The following TRPV1 variants were observed in gnomAD, a reference collection of about 807,000 sequenced individuals.
TRPV1 encodes the protein transient receptor potential cation channel subfamily V member 1.
A neutral mutation model predicts 82.3 loss-of-function variants in TRPV1; 82 were observed. The ratio of observed to expected loss-of-function variants is 1.00; its 90% confidence interval spans 0.83 to 1.20. The LOEUF is 1.20. Among genes scored for constraint, TRPV1 ranks in the 50% most tolerant of loss-of-function variants. The probability of loss-of-function intolerance (pLI) is 0.00; values close to 1 mark genes in which losing one functional copy is unlikely to be tolerated. For missense variants in TRPV1, 1,067 were observed against 1,096.8 expected, an observed-to-expected ratio of 0.97 and a Z score of 0.38; for synonymous variants, 515 against 467.7, an observed-to-expected ratio of 1.10 and a Z score of -1.30.
intron 13 of TRPV1, among the ~76,000 whole-genome samples, chr17:3,576,337 G>A (rs1292327972): frequency 6.6e-6 from 1 of 151,746 alleles, no homozygotes; most frequent in African/African-American, 2.4e-5. Flanking sequence ...GGCCAATATG[G>A]TAAAACCCCA....
chr17:3,566,548 C>T lies in TRPV1; in HGVS notation c.*267G>A. On this transcript the variant is annotated 3_prime_UTR_variant, in exon 17 of 17. Coordinates refer to ENST00000572705, the MANE Select transcript of TRPV1 (RefSeq NM_080704.4). ...AGGGCCTAACATGTCCCAGTAGAGA[C>T]TGACCATCCAAACTGTTTAGTAAAG... 1 of 359,550 alleles carries T rather than the reference C, an allele frequency of 2.8e-6. No individual in the cohort carries two copies. The highest frequency in any genetic ancestry group is 4.6e-5 in the East Asian group (1 of 21,688). The allele number at this position is 359,550 out of a possible 1,614,324, so 22.3% of individuals were successfully genotyped here.
chr17:3,569,816 C>T (rs1222353591), intron 16 of TRPV1, among the ~76,000 whole-genome samples: 1 of 152,084 alleles, frequency 6.6e-6, no homozygotes, highest in African/African-American at 2.4e-5. Flanking sequence ...GGTCTCTGGG[C>T]CTCTGAGGCC....
At position 3,571,574 on chromosome 17, in the gene TRPV1, T is replaced by A. The variant is rs1359016772; in HGVS notation, c.2297A>T (p.Asn766Ile). 3.1e-6 allele frequency: 5 copies of A among 1,612,516 alleles called. No homozygotes were observed. Among genetic ancestry groups the A allele is most frequent in the Non-Finnish European group, 4.2e-6 (5 of 1,179,424 alleles). ...CAGGGTGCGCTTGACGCCCTCACAGTTGCCCGGGTCTTCGTTGATGATGCC... is the reference window on the plus strand; with the variant it reads ...CAGGGTGCGCTTGACGCCCTCACAGATGCCCGGGTCTTCGTTGATGATGCC... ...NVGIINEDPGNCEGVKRTLSF... is the reference protein window; with the variant it reads ...NVGIINEDPGICEGVKRTLSF... The change falls in exon 16 of 17, where the codon AAC (asparagine) becomes ATC (isoleucine). Residue 766 changes from asparagine (N) to isoleucine (I), a missense_variant. Asn to Ile is a moderately radical substitution (Grantham distance 149). Coordinates refer to ENST00000572705, the MANE Select transcript of TRPV1 (RefSeq NM_080704.4).
Position 3,585,907 on chromosome 17 carries a change from A to T in TRPV1, c.1244T>A (p.Leu415Ter). 1 of 1,612,616 alleles carries T rather than the reference A, an allele frequency of 6.2e-7. No homozygotes were observed. ...SETPNRHDMLLVEPLNRLLQD... is the reference protein window; with the variant it reads ...SETPNRHDML ...CAGGAGTCGGTTCAGCGGCTCCACC[A>T]AGAGCATGTCGTGGCGATTCTAGGG... Residue 415 changes from leucine (L) to a stop codon, truncating the protein, a stop_gained, in exon 9 of 17, where the codon TTG becomes TAG. Coordinates refer to ENST00000572705, the MANE Select transcript of TRPV1 (RefSeq NM_080704.4). LOFTEE classifies it high-confidence loss of function.
chr17:3,568,198 T>C (rs2074799301), intron 16 of TRPV1, among the ~76,000 whole-genome samples: 1 of 151,204 alleles, frequency 6.6e-6, no homozygotes, highest in African/African-American at 2.4e-5. Flanking sequence ...GGCGGGCGCC[T>C]GTAGTCCCAG....
At chr17:3,605,473 G>A (rs752511393) in intron 2 of TRPV1, among the ~76,000 whole-genome samples, 1 of 151,526 alleles carries the variant, frequency 6.6e-6, no homozygotes, top group Non-Finnish European at 1.5e-5. Context: ...TCGCACCACT[G>A]CACTCCAGCC....
chr17:3,577,584 C>T lies in TRPV1; in HGVS notation c.1713+14G>A. 1 of 1,566,306 alleles carries T rather than the reference C, an allele frequency of 6.4e-7. No homozygotes were observed. Among genetic ancestry groups the T allele is most frequent in the Non-Finnish European group, 8.7e-7 (1 of 1,155,688 alleles). ...CGGGCTCTGAGGAGACCCACTGGGG[C>T]CCAGGGAACCCACCTTCTCTATCAT... On this transcript the variant is annotated intron_variant, in intron 12 of 16. Coordinates refer to ENST00000572705, the MANE Select transcript of TRPV1 (RefSeq NM_080704.4).
Position 3,590,333 on chromosome 17 carries a change from C to A in TRPV1, c.664G>T (p.Val222Leu). 1 of 1,613,998 alleles carries A rather than the reference C, an allele frequency of 6.2e-7. No individual in the cohort carries two copies. The highest frequency in any genetic ancestry group is 8.5e-7 in the Non-Finnish European group (1 of 1,179,892). Residue 222 changes from valine to leucine, a missense_variant, in exon 6 of 17, where the codon GTG (valine) becomes TTG (leucine). Coordinates refer to ENST00000572705, the MANE Select transcript of TRPV1 (RefSeq NM_080704.4). Reference protein sequence around the residue: ...RRNMALVTLLVENGADVQAAA... With the variant: ...RRNMALVTLLLENGADVQAAA... The stretch of plus-strand genomic sequence containing the variant: ...GCCTGGACGTCTGCTCCGTTCTCCA[C>A]CAGGAGGGTCACCAGGGCCATGTTG...
chr17:3,595,160 GC>G (rs2075207827), intron 2 of TRPV1, among the ~76,000 whole-genome samples: 1 of 152,180 alleles, frequency 6.6e-6, no homozygotes, highest in Non-Finnish European at 1.5e-5. Flanking sequence ...AATCGTTGAT[GC>G]GTCTGAGCAC....
At chr17:3,599,918 C>T (rs749013898) in intron 2 of TRPV1, among the ~76,000 whole-genome samples, 8 of 152,178 alleles carry the variant, frequency 5.3e-5, no homozygotes, top group Admixed American at 3.9e-4. Context: ...CACACCCAGC[C>T]CTCCTTCCTT....
At chr17:3,585,605 C>T in intron 9 of TRPV1, 163 bp downstream of exon 9, 2 of 821,744 alleles carry the variant, frequency 2.4e-6, no homozygotes, top group South Asian at 1.8e-5. Flanking sequence ...GAGATGGGCG[C>T]AGGGATACGA....
At chr17:3,606,385 G>A (rs1345599684) in intron 2 of TRPV1, among the ~76,000 whole-genome samples, 3 of 152,202 alleles carry the variant, frequency 2.0e-5, no homozygotes, top group Non-Finnish European at 4.4e-5. Context: ...CCAGTCACTT[G>A]TGGCAAAGGG....
chr17:3,594,324 CTTTTTTT>C (rs79268135), intron 2 of TRPV1, among the ~76,000 whole-genome samples: 8 of 137,502 alleles, frequency 5.8e-5, no homozygotes, highest in South Asian at 2.3e-4. Flanking sequence ...CCTGCATTTT[CTTTTTTT>C]TTTTTTTTGA....
At chr17:3,603,331 T>C (rs2150859871) in intron 2 of TRPV1, among the ~76,000 whole-genome samples, 1 of 152,170 alleles carries the variant, frequency 6.6e-6, no homozygotes, top group East Asian at 1.9e-4. Flanking sequence ...CACAGAACGC[T>C]GGAGCCCCGC....
intron 16 of TRPV1, among the ~76,000 whole-genome samples, chr17:3,568,105 G>A (rs530648456): frequency 1.6e-4 from 24 of 152,168 alleles, no homozygotes; most frequent in South Asian, 1.2e-3. Flanking sequence ...GGCGGATCAC[G>A]AGGTCAGGAG....
At chr17:3,569,083 C>A (rs2074812934) in intron 16 of TRPV1, among the ~76,000 whole-genome samples, 1 of 150,516 alleles carries the variant, frequency 6.6e-6, no homozygotes, top group Non-Finnish European at 1.5e-5. Flanking sequence ...CACTCAGACA[C>A]AGGAAGGGGG....
rs2075148193 is a variant in TRPV1, at chr17:3,590,909, C to CT, written c.604+54_604+55insA. The CT allele has an allele frequency of 2.0e-6, 3 of 1,508,638 alleles. 1 individual carries two copies. Among genetic ancestry groups the CT allele is most frequent in the Non-Finnish European group, 1.8e-6 (2 of 1,128,246 alleles). 93.5% of individuals were successfully genotyped at this position (1,508,638 alleles called of 1,614,324 possible). A position where few individuals can be genotyped will look rare whatever the true frequency, so the allele number is the denominator to read the frequency against. The stretch of plus-strand genomic sequence containing the variant: ...AGGAGGCCCAGGGACAACCATGCCC[C>CT]CCTGCTTCCCGGTGCTGCGGGCTGA... On this transcript the variant is annotated intron_variant, in intron 5 of 16. Transcript: ENST00000572705.
chr17:3,599,770 G>A (rs533608691), intron 2 of TRPV1, among the ~76,000 whole-genome samples: 26 of 151,714 alleles, frequency 1.7e-4, no homozygotes, highest in African/African-American at 4.8e-4. Flanking sequence ...TTGGGATTAC[G>A]GGTGCATGCC....
intron 3 of TRPV1, 98 bp from the exon 4 acceptor site, chr17:3,591,451 A>G: frequency 7.1e-7 from 1 of 1,403,150 alleles, no homozygotes; most frequent in Non-Finnish European, 9.6e-7. Context: ...TCCCAAGGCA[A>G]ACCAAAAAGG....
Sources: gnomAD v4.1 joint callset for allele counts (sites outside exome capture counted in the v4.1 genomes callset) on GRCh38, gnomAD v4.1.1 for gene constraint, MANE v1.5 for transcripts, NCBI Gene and HGNC (gene_info 2026-07-23, HGNC 2026-07-21) for gene names.